DLGAP1: variants seen among roughly 807,000 people sequenced by gnomAD.
DLGAP1 encodes the protein disks large-associated protein 1.
A neutral mutation model predicts 90.8 loss-of-function variants in DLGAP1; 11 were observed. That is an observed-to-expected ratio of 0.12 (90% confidence interval 0.08 to 0.20). DLGAP1 has a LOEUF of 0.20. Among genes scored for constraint, DLGAP1 ranks in the 10% least tolerant of loss-of-function variants. The pLI is 1.00. For missense variants in DLGAP1, 1,050 were observed against 1,333.8 expected, an observed-to-expected ratio of 0.79 and a Z score of 3.31; for synonymous variants, 558 against 540.7, an observed-to-expected ratio of 1.03 and a Z score of -0.44.
chr18:4,149,866 C>CAACTAAGTGTTG (rs554068606), intron 2 of DLGAP1, among the ~76,000 whole-genome samples: 231 of 152,276 alleles, frequency 1.5e-3, no homozygotes, highest in African/African-American at 5.2e-3. Flanking sequence ...TTACAGTGTA[C>CAACTAAGTGTTG]ACCTCAAGTG....
At chr18:3,704,560 C>T (rs1269516281) in intron 7 of DLGAP1, among the ~76,000 whole-genome samples, 2 of 151,352 alleles carry the variant, frequency 1.3e-5, no homozygotes, top group Non-Finnish European at 2.9e-5. Context: ...CTGGGTGACA[C>T]AGCGAGACTC....
intron 1 of DLGAP1, among the ~76,000 whole-genome samples, chr18:4,371,932 A>T (rs958222096): frequency 5.3e-5 from 8 of 152,228 alleles, no homozygotes; most frequent in Non-Finnish European, 1.0e-4. Context: ...CTTAACCTAA[A>T]GTAATGTATC....
intron 2 of DLGAP1, among the ~76,000 whole-genome samples, chr18:4,005,874 G>C (rs1366782749): frequency 6.6e-6 from 1 of 152,154 alleles, no homozygotes; most frequent in Non-Finnish European, 1.5e-5. Flanking sequence ...TTATCTGTCT[G>C]TTTTTGACAC....
chr18:4,451,416 T>C (rs1339954306), intron 1 of DLGAP1, among the ~76,000 whole-genome samples: 1 of 152,220 alleles, frequency 6.6e-6, no homozygotes, highest in Non-Finnish European at 1.5e-5. Context: ...AGTTACATCT[T>C]AGAAGCAAAA....
At chr18:3,629,917 T>A (rs1254463808) in intron 7 of DLGAP1, among the ~76,000 whole-genome samples, 1 of 152,174 alleles carries the variant, frequency 6.6e-6, no homozygotes, top group Admixed American at 6.6e-5. Flanking sequence ...ATATTTTATT[T>A]CAGAAACTTC....
intron 5 of DLGAP1, among the ~76,000 whole-genome samples, chr18:3,803,109 G>A (rs1846629587): frequency 6.6e-6 from 1 of 152,058 alleles, no homozygotes; most frequent in South Asian, 2.1e-4. Context: ...TTCCATCACG[G>A]CCAATATCAG....
intron 1 of DLGAP1, among the ~76,000 whole-genome samples, chr18:4,248,238 A>G (rs2145176331): frequency 6.6e-6 from 1 of 152,322 alleles, no homozygotes; most frequent in African/African-American, 2.4e-5. Context: ...ATGAATGCTG[A>G]CTTTAAAGCT....
intron 5 of DLGAP1, among the ~76,000 whole-genome samples, chr18:3,751,536 G>A (rs967705654): frequency 6.7e-6 from 1 of 148,620 alleles, no homozygotes; most frequent in Admixed American, 6.7e-5. Flanking sequence ...GGTCCCAAGT[G>A]ATCCTCCTGT....
intron 1 of DLGAP1, among the ~76,000 whole-genome samples, chr18:4,381,239 T>C (rs1284717426): frequency 6.6e-6 from 1 of 152,174 alleles, no homozygotes; most frequent in African/African-American, 2.4e-5. Flanking sequence ...GGGCCTACAA[T>C]TGTTTTCAGA....
chr18:4,235,506 AC>A (rs1392601799), intron 1 of DLGAP1, among the ~76,000 whole-genome samples: 1 of 151,934 alleles, frequency 6.6e-6, no homozygotes, highest in Non-Finnish European at 1.5e-5. Flanking sequence ...CTTTGTTTGA[AC>A]CTGCTGTTTT....
At chr18:4,333,809 C>G (rs2081007189) in intron 1 of DLGAP1, among the ~76,000 whole-genome samples, 1 of 151,000 alleles carries the variant, frequency 6.6e-6, no homozygotes, top group Non-Finnish European at 1.5e-5. Context: ...ACTGTGTTAT[C>G]CAGGATGGTC....
chr18:3,909,272 G>A (rs2071981252), intron 3 of DLGAP1, among the ~76,000 whole-genome samples: 1 of 152,130 alleles, frequency 6.6e-6, no homozygotes, highest in Admixed American at 6.5e-5. Flanking sequence ...TTAGGGTCAT[G>A]GCCTACAGGT....
intron 10 of DLGAP1, among the ~76,000 whole-genome samples, chr18:3,516,632 T>G (rs2050862380): frequency 6.6e-6 from 1 of 152,132 alleles, no homozygotes; most frequent in Non-Finnish European, 1.5e-5. Flanking sequence ...GGACTCACAG[T>G]TCCACATGGC....
chr18:4,387,973 A>ACACACACT (rs1259204360), intron 1 of DLGAP1, among the ~76,000 whole-genome samples: 2 of 149,868 alleles, frequency 1.3e-5, no homozygotes, highest in African/African-American at 4.9e-5. Context: ...ACACACACAC[A>ACACACACT]CTCAAAAGGC....
At chr18:4,146,694 T>C (rs1242785831) in intron 2 of DLGAP1, among the ~76,000 whole-genome samples, 3 of 152,180 alleles carry the variant, frequency 2.0e-5, no homozygotes, top group African/African-American at 4.8e-5. Flanking sequence ...AATTTTAATT[T>C]TCTGTTACAA....
chr18:3,936,522 C>T (rs1400025303), intron 3 of DLGAP1, among the ~76,000 whole-genome samples: 1 of 152,180 alleles, frequency 6.6e-6, no homozygotes, highest in Non-Finnish European at 1.5e-5. Flanking sequence ...CCAAGTGCCT[C>T]CATAATTCCA....
chr18:4,143,093 C>T (rs2076522562), intron 2 of DLGAP1, among the ~76,000 whole-genome samples: 1 of 152,256 alleles, frequency 6.6e-6, no homozygotes, highest in Middle Eastern at 3.4e-3. Context: ...CTGGGTCTCA[C>T]CCAAGGCCCG....
intron 5 of DLGAP1, among the ~76,000 whole-genome samples, chr18:3,812,370 CG>C (rs773565989): frequency 1.2e-3 from 120 of 102,222 alleles, no homozygotes; most frequent in Admixed American, 5.1e-3. Flanking sequence ...TTTATTTCCA[CG>C]AATTTTTTTT....
At chr18:4,122,880 AG>A (rs2076175371) in intron 2 of DLGAP1, among the ~76,000 whole-genome samples, 1 of 152,142 alleles carries the variant, frequency 6.6e-6, no homozygotes, top group Non-Finnish European at 1.5e-5. Context: ...TCAGGAGGGA[AG>A]GGGAGATGGC....
Sources: allele counts gnomAD v4.1 joint callset (sites outside exome capture counted in the v4.1 genomes callset), GRCh38; gene constraint gnomAD v4.1.1; transcripts MANE v1.5; gene names NCBI Gene and HGNC (gene_info 2026-07-23, HGNC 2026-07-21).